Variants in FAM107B observed in about 807,000 individuals in gnomAD.
FAM107B encodes family with sequence similarity 107 member B.
In FAM107B, 21 loss-of-function variants were observed where a neutral mutation model predicts 31.5. The ratio of observed to expected loss-of-function variants is 0.67; its 90% CI spans 0.47 to 0.96. The LOEUF (loss-of-function observed/expected upper bound fraction) is 0.96. Among genes scored for constraint, FAM107B ranks in the 40% least tolerant of loss-of-function variants. The probability of loss-of-function intolerance (pLI) is 0.00; values close to 1 mark genes in which losing one functional copy is unlikely to be tolerated. For missense variants in FAM107B, 452 were observed against 377.1 expected, an observed-to-expected ratio of 1.20 and a Z score of -1.64; for synonymous variants, 157 against 141.5, an observed-to-expected ratio of 1.11 and a Z score of -0.78.
At chr10:14,756,944 A>G (rs1023216567) in intron 1 of FAM107B, among the ~76,000 whole-genome samples, 19 of 152,186 alleles carry the variant, frequency 1.2e-4, no homozygotes, top group African/African-American at 4.6e-4. Flanking sequence ...CTTACTTATA[A>G]GTGGGAGCTA....
chr10:14,764,318 A>G (rs1273380314), intron 1 of FAM107B, among the ~76,000 whole-genome samples: 1 of 152,176 alleles, frequency 6.6e-6, no homozygotes, highest in African/African-American at 2.4e-5. Context: ...CACGTAACTC[A>G]TTTGCCGGGA....
intron 2 of FAM107B, among the ~76,000 whole-genome samples, chr10:14,658,097 T>A (rs1854117699): frequency 6.6e-6 from 1 of 152,124 alleles, no homozygotes; most frequent in African/African-American, 2.4e-5. Flanking sequence ...CAGGCGTAAT[T>A]AGCACCTGGC....
chr10:14,746,399 T>C (rs930829886), intron 1 of FAM107B, among the ~76,000 whole-genome samples: 1 of 152,236 alleles, frequency 6.6e-6, no homozygotes, highest in African/African-American at 2.4e-5. Flanking sequence ...CACTGTTCTT[T>C]GTATTTCAGT....
chr10:14,751,180 G>A (rs573413831), intron 1 of FAM107B, among the ~76,000 whole-genome samples: 20 of 152,294 alleles, frequency 1.3e-4, no homozygotes, highest in African/African-American at 2.4e-4. Context: ...GGGGAGCGGC[G>A]GAATCCAGAC....
At chr10:14,710,154 G>C (rs1855608481) in intron 1 of FAM107B, among the ~76,000 whole-genome samples, 2 of 152,028 alleles carry the variant, frequency 1.3e-5, no homozygotes, top group Admixed American at 6.6e-5. Context: ...GTTAATAACA[G>C]GGGAAACTAG....
chr10:14,728,063 G>C (rs2131556820), intron 1 of FAM107B, among the ~76,000 whole-genome samples: 1 of 152,200 alleles, frequency 6.6e-6, no homozygotes, highest in East Asian at 1.9e-4. Flanking sequence ...TACATTTATG[G>C]AGTAAGGAAG....
intron 2 of FAM107B, among the ~76,000 whole-genome samples, chr10:14,575,084 A>T (rs1362322726): frequency 6.6e-6 from 1 of 152,232 alleles, no homozygotes; most frequent in East Asian, 1.9e-4. Context: ...GTCAATAATA[A>T]GCACTAAAGG....
intron 2 of FAM107B, among the ~76,000 whole-genome samples, chr10:14,578,510 A>G (rs367989832): frequency 1.6e-4 from 24 of 152,310 alleles, no homozygotes; most frequent in African/African-American, 5.5e-4. Context: ...GGGGAAAAAA[A>G]AGAGATCCAT....
intron 1 of FAM107B, among the ~76,000 whole-genome samples, chr10:14,755,358 A>G (rs2131585677): frequency 6.6e-6 from 1 of 152,224 alleles, no homozygotes; most frequent in South Asian, 2.1e-4. Context: ...CCTGGCCAAC[A>G]TGGTGAAACC....
intron 1 of FAM107B, among the ~76,000 whole-genome samples, chr10:14,765,933 T>A (rs1435664529): frequency 1.3e-5 from 2 of 152,154 alleles, no homozygotes; most frequent in Non-Finnish European, 2.9e-5. Flanking sequence ...TGCTATTAGA[T>A]AAGGGGGATG....
intron 1 of FAM107B, among the ~76,000 whole-genome samples, chr10:14,744,412 C>A (rs971096267): frequency 2.0e-5 from 3 of 152,150 alleles, no homozygotes; most frequent in Non-Finnish European, 2.9e-5. Context: ...GAGAGGACAT[C>A]CTTGTCTTGG....
At chr10:14,745,636 T>C (rs1325853343) in intron 1 of FAM107B, among the ~76,000 whole-genome samples, 4 of 152,236 alleles carry the variant, frequency 2.6e-5, no homozygotes, top group African/African-American at 9.6e-5. Flanking sequence ...AATCTTGAGT[T>C]CTAATTTGTC....
intron 2 of FAM107B, among the ~76,000 whole-genome samples, chr10:14,533,995 G>A (rs140138818): frequency 2.1e-3 from 318 of 152,302 alleles, no homozygotes; most frequent in African/African-American, 7.0e-3. Context: ...GTGCATTTAG[G>A]ATTTCAGCCC....
At chr10:14,525,151 GAT>G (rs1311789929) in intron 3 of FAM107B, among the ~76,000 whole-genome samples, 3 of 152,242 alleles carry the variant, frequency 2.0e-5, no homozygotes, top group Non-Finnish European at 2.9e-5. Context: ...ATGGAACAGA[GAT>G]AGTGTCGACA....
At chr10:14,758,945 G>A (rs547480015) in intron 1 of FAM107B, among the ~76,000 whole-genome samples, 5 of 149,416 alleles carry the variant, frequency 3.3e-5, no homozygotes, top group East Asian at 2.0e-4. Context: ...TTGGGAGGCC[G>A]AGGCAGGTGG....
chr10:14,680,691 A>C (rs1013713063), intron 1 of FAM107B, among the ~76,000 whole-genome samples: 1 of 151,890 alleles, frequency 6.6e-6, no homozygotes, highest in Non-Finnish European at 1.5e-5. Context: ...GCAAATTCCC[A>C]CTAACTTCCT....
At chr10:14,530,707 C>T (rs1027879825) in intron 2 of FAM107B, among the ~76,000 whole-genome samples, 192 bp from the exon 3 acceptor site, 1 of 152,152 alleles carries the variant, frequency 6.6e-6, no homozygotes, top group Non-Finnish European at 1.5e-5. Flanking sequence ...AGAATGGTGG[C>T]CTGGTCTCGT....
chr10:14,729,699 A>G (rs1456243137), intron 1 of FAM107B, among the ~76,000 whole-genome samples: 1 of 152,224 alleles, frequency 6.6e-6, no homozygotes, highest in Non-Finnish European at 1.5e-5. Flanking sequence ...TATATACCCA[A>G]AAGATTATAA....
At chr10:14,537,353 G>A (rs1847725410) in intron 2 of FAM107B, among the ~76,000 whole-genome samples, 1 of 152,154 alleles carries the variant, frequency 6.6e-6, no homozygotes, top group South Asian at 2.1e-4. Context: ...ATGAGGCAGG[G>A]GTCATGACTT....
Sources: allele counts gnomAD v4.1 joint callset (sites outside exome capture counted in the v4.1 genomes callset), GRCh38; gene constraint gnomAD v4.1.1; transcripts MANE v1.5; gene names NCBI Gene and HGNC (gene_info 2026-07-23, HGNC 2026-07-21).